Variants in FNTB observed in about 807,000 individuals in gnomAD.
FNTB encodes protein farnesyltransferase subunit beta.
FNTB carries 27 observed loss-of-function variants against 59.4 expected under a neutral mutation model. The observed-to-expected ratio is 0.45, with a 90% CI of 0.34 to 0.63. The LOEUF is 0.63. FNTB is among the 20% of genes least tolerant of loss of function. FNTB has a pLI of 0.02. For missense variants in FNTB, 449 were observed against 559.6 expected, an observed-to-expected ratio of 0.80 and a Z score of 1.99; for synonymous variants, 230 against 220.7, an observed-to-expected ratio of 1.04 and a Z score of -0.37.
At chr14:64,993,965 C>T (rs1888301583) in intron 1 of FNTB, among the ~76,000 whole-genome samples, 1 of 151,990 alleles carries the variant, frequency 6.6e-6, no homozygotes, top group Admixed American at 6.6e-5. Context: ...AAGCGATTCT[C>T]CTGCCTCAGG....
chr14:65,049,180 T>C (rs982238335), intron 9 of FNTB, among the ~76,000 whole-genome samples: 5 of 151,730 alleles, frequency 3.3e-5, no homozygotes, highest in African/African-American at 1.2e-4. Context: ...ATCAGTGAGT[T>C]ACTTTGTTTT....
rs527869217 is a variant in FNTB at position 65,039,300 on chromosome 14, G to A, written c.693-1490G>A. 2.6e-5 allele frequency among the ~76,000 whole-genome samples: 4 copies of A among 152,300 alleles called. No individual in the cohort carries two copies. The East Asian group carries it at 7.7e-4, about 29-fold the overall frequency. On this transcript the variant is annotated intron_variant, in intron 7 of 11. Transcript: ENST00000246166. ...TTGTGTGAAATACACAGAGGAATGG[G>A]GCTGGGGGTATTGTGTTGAGATTAC...
chr14:65,044,189 G>C lies in FNTB; in HGVS notation c.823-122G>C, dbSNP rs1216375675. 2 of 1,537,810 alleles carry C rather than the reference G, an allele frequency of 1.3e-6. No individual in the cohort carries two copies. Among genetic ancestry groups the C allele is most frequent in the Non-Finnish European group, 1.8e-6 (2 of 1,129,386 alleles). On this transcript the variant is annotated intron_variant, in intron 8 of 11. Coordinates refer to ENST00000246166, the MANE Select transcript of FNTB (RefSeq NM_002028.4). This position sits in a 1 kb window ranked among gnomAD's most constrained non-coding sequence, Gnocchi z 5.5. ...AAAGAAAACCAGAGCACCAAAACTA[G>C]AGTGCCAAGAAGCCACAAGATGGGA...
At position 65,012,385 on chromosome 14, in the gene FNTB, A is replaced by G; in HGVS notation, c.278A>G (p.Tyr93Cys). The change falls in exon 3 of 12, where the codon TAT becomes TGT. Residue 93 changes from tyrosine (Y) to cysteine (C), a missense_variant. Coordinates refer to ENST00000246166, the MANE Select transcript of FNTB (RefSeq NM_002028.4). The surrounding 1 kb of genome is among the most constrained non-coding windows in gnomAD (Gnocchi z 5.0). ...KRGLRQLTDA[Y>C]ECLDASRPWL... The stretch of plus-strand genomic sequence containing the variant: ...GGCCTTCGACAACTGACAGATGCCT[A>G]TGAGGTAAACACATTACCCAGGAAC... 2.5e-6 allele frequency: 4 copies of G among 1,614,144 alleles called. No homozygotes were observed. Among genetic ancestry groups the G allele is most frequent in the Non-Finnish European group, 3.4e-6 (4 of 1,179,956 alleles).
intron 9 of FNTB, 53 bp from the exon 10 acceptor site, chr14:65,053,185 T>C: frequency 7.8e-7 from 1 of 1,290,080 alleles, no homozygotes; most frequent in East Asian, 2.9e-5. Flanking sequence ...AATTAGGTCA[T>C]TGATACTTGG....
chr14:65,041,028 G>A, intron 8 of FNTB, 109 bp downstream of exon 8: 1 of 1,496,386 alleles, frequency 6.7e-7, no homozygotes, highest in Non-Finnish European at 9.0e-7. Context: ...GGCTAAGAGA[G>A]TTAGCTCTGT....
intron 9 of FNTB, among the ~76,000 whole-genome samples, chr14:65,051,710 C>A (rs1033365792): frequency 2.0e-5 from 3 of 151,672 alleles, no homozygotes; most frequent in African/African-American, 7.3e-5. Context: ...TTTTAGAAAT[C>A]TTTTCCCCCG....
chr14:65,050,020 A>C (rs2062571260), intron 9 of FNTB, among the ~76,000 whole-genome samples: 1 of 152,208 alleles, frequency 6.6e-6, no homozygotes, highest in South Asian at 2.1e-4. Flanking sequence ...AATTTTAAAA[A>C]GTTTTAAACT....
chr14:65,012,289 T>C lies in FNTB; in HGVS notation c.210-28T>C. On this transcript the variant is annotated intron_variant, in intron 2 of 11. Coordinates refer to ENST00000246166, the MANE Select transcript of FNTB (RefSeq NM_002028.4). This position sits in a 1 kb window ranked among gnomAD's most constrained non-coding sequence, Gnocchi z 5.0. ...ATGGTGGAAGCATAAGCTATTAGAA[T>C]GGGCTTATAAACTGTTTGTCTTTCC... 1 of 1,613,646 alleles carries C rather than the reference T, an allele frequency of 6.2e-7. No homozygotes were observed. The highest frequency in any genetic ancestry group is 8.5e-7 in the Non-Finnish European group (1 of 1,179,616).
At chr14:65,053,405 G>A (rs541112489) in intron 10 of FNTB, 56 bp downstream of exon 10, 28 of 1,297,504 alleles carry the variant, frequency 2.2e-5, no homozygotes, top group Admixed American at 1.7e-4. Context: ...GCAGAGGGGC[G>A]TGCACCTCAG....
Position 65,032,543 on chromosome 14 carries a change from C to T in FNTB, c.606-67C>T, listed in dbSNP as rs1052985570. Reference sequence around the variant, plus strand: ...CTAGGCAAGGCGAGCAGTCCGCCCGCGGAGTTCACTGAGCCTCATTAGCTC... The same window carrying T: ...CTAGGCAAGGCGAGCAGTCCGCCCGTGGAGTTCACTGAGCCTCATTAGCTC... On this transcript the variant is annotated intron_variant, in intron 6 of 11. Transcript: ENST00000246166. The surrounding 1 kb of genome is among the most constrained non-coding windows in gnomAD (Gnocchi z 5.0). The T allele has an allele frequency of 3.5e-5, 55 of 1,575,390 alleles. No individual in the cohort carries two copies. The South Asian group carries it at 4.5e-4, about 13-fold the overall frequency.
Position 65,062,325 on chromosome 14 carries a change from G to A in FNTB, c.*1013G>A, listed in dbSNP as rs2062880303. On this transcript the variant is annotated 3_prime_UTR_variant, in exon 12 of 12. Transcript: ENST00000246166. This position sits in a 1 kb window ranked among gnomAD's most constrained non-coding sequence, Gnocchi z 4.3. ...TAGGCTCACAGGAATAAAATCAAGT[G>A]CTAGACACACTGGCTGCTACTAAGG... 6.6e-6 allele frequency: 1 copy of A among 152,320 alleles called. No homozygotes were observed. The highest frequency in any genetic ancestry group is 1.5e-5 in the Non-Finnish European group (1 of 68,066). The allele number at this position is 152,320 out of a possible 1,614,324, so 9.4% of individuals were successfully genotyped here.
At chr14:65,048,325 TA>T (rs59114641) in intron 9 of FNTB, among the ~76,000 whole-genome samples, 1,704 of 145,012 alleles carry the variant, frequency 0.012, 13 homozygotes, top group Middle Eastern at 0.029. Context: ...ACTGTGCCTT[TA>T]AAAAAAAAAA....
At chr14:64,987,373 T>A (rs1171833818) in intron 1 of FNTB, 3 of 519,650 alleles carry the variant, frequency 5.8e-6, no homozygotes, top group African/African-American at 3.8e-5. Flanking sequence ...AGAATCGTGT[T>A]CTATGCCTGG....
chr14:64,988,521 G>A (rs1033197034), intron 1 of FNTB, among the ~76,000 whole-genome samples: 22 of 135,592 alleles, frequency 1.6e-4, no homozygotes, highest in African/African-American at 6.1e-4. Flanking sequence ...TGCACCCTCC[G>A]CCTCCCGGGT....
rs568122612 is a variant in FNTB, at chr14:64,986,899, C to T, written c.-55C>T. 1.0e-4 allele frequency: 163 copies of T among 1,601,794 alleles called. No individual in the cohort carries two copies. Among genetic ancestry groups the T allele is most frequent in the Non-Finnish European group, 1.3e-4 (148 of 1,169,274 alleles). ...GCTTTAGCCCGCTCGAGTTTCAATG[C>T]GCGTTGTTGCTTAACGAAGCAGAGT... On this transcript the variant is annotated 5_prime_UTR_variant, in exon 1 of 12. Transcript: ENST00000246166.
At chr14:65,057,299 C>A (rs188574529) in intron 11 of FNTB, among the ~76,000 whole-genome samples, 1 of 152,046 alleles carries the variant, frequency 6.6e-6, no homozygotes, top group African/African-American at 2.4e-5. Flanking sequence ...TATGGTGGTT[C>A]GCACCTGTAA....
chr14:65,021,907 A>G (rs1009098235), intron 4 of FNTB: 7 of 455,748 alleles, frequency 1.5e-5, no homozygotes, highest in South Asian at 3.1e-5. Flanking sequence ...CGGCCTCCCA[A>G]AGTGCTAGGA....
rs1555335876 is a variant in FNTB, at chr14:65,037,403, C to CTTTTTTTTTTTTTTTTTTTTTT, written c.693-3365_693-3344dup. Among the ~76,000 whole-genome samples the CTTTTTTTTTTTTTTTTTTTTTT allele has an allele frequency of 4.7e-4, 14 of 29,646 alleles. 3 individuals carry two copies. The highest frequency in any genetic ancestry group is 1.3e-3 in the Admixed American group (3 of 2,366). 19.4% of individuals were successfully genotyped at this position (29,646 alleles called of 152,430 possible). On this transcript the variant is annotated intron_variant, in intron 7 of 11. Transcript: ENST00000246166. The stretch of plus-strand genomic sequence containing the variant: ...TAGGCGTGAGCCACCACGCCGGGCC[C>CTTTTTTTTTTTTTTTTTTTTTT]TTTTTTTTTTTTTTTTTTTTTTTTT...
Sources: gnomAD v4.1 joint callset for allele counts (sites outside exome capture counted in the v4.1 genomes callset) on GRCh38, gnomAD v4.1.1 for gene constraint, Gnocchi (gnomAD v3.1) non-coding constraint, MANE v1.5 for transcripts, NCBI Gene and HGNC (gene_info 2026-07-23, HGNC 2026-07-21) for gene names.